The following CNTNAP1 variants were observed in gnomAD, a reference collection of about 807,000 sequenced individuals.
The protein encoded by CNTNAP1 is contactin associated protein 1.
Under a neutral mutation model 161.5 loss-of-function variants are expected in CNTNAP1, and 80 were observed. That is an observed-to-expected ratio of 0.50 (90% confidence interval 0.41 to 0.60). The LOEUF (loss-of-function observed/expected upper bound fraction) is 0.60, where lower values mean the gene tolerates loss of function less well. Among genes scored for constraint, CNTNAP1 ranks in the 20% least tolerant of loss-of-function variants. CNTNAP1 has a pLI of 0.00. For synonymous variants in CNTNAP1, 695 were observed against 733.1 expected, an observed-to-expected ratio of 0.95 and a Z score of 0.84; for missense variants, 1,464 against 1,854.8, an observed-to-expected ratio of 0.79 and a Z score of 3.87.
intron 8 of CNTNAP1, 98 bp downstream of exon 8, chr17:42,688,079 G>C (rs2053040953): frequency 4.0e-6 from 6 of 1,500,356 alleles, no homozygotes; most frequent in Non-Finnish European, 5.3e-6. Flanking sequence ...TTCTGGAGAG[G>C]GGAGAGGAGT....
chr17:42,690,665 T>G (rs1597807804), intron 12 of CNTNAP1, 74 bp from the exon 13 acceptor site: 2 of 1,462,498 alleles, frequency 1.4e-6, no homozygotes, highest in Non-Finnish European at 1.9e-6. Flanking sequence ...GCAGCAGCGG[T>G]GGTGGAGGTG....
intron 11 of CNTNAP1, 78 bp downstream of exon 11, chr17:42,689,705 G>C (rs2053061067): frequency 1.6e-6 from 2 of 1,215,278 alleles, no homozygotes; most frequent in East Asian, 4.7e-5. Context: ...CAGGCTGCTA[G>C]AGATGGCGAG....
chr17:42,693,509 G>A lies in CNTNAP1; in HGVS notation c.2965G>A (p.Ala989Thr). 9.3e-6 allele frequency: 15 copies of A among 1,614,038 alleles called. No homozygotes were observed. The highest frequency in any genetic ancestry group is 1.3e-5 in the Non-Finnish European group (15 of 1,179,898). Residue 989 changes from alanine (A) to threonine (T), a missense_variant, in exon 18 of 24, where the codon GCT becomes ACT. Ala to Thr is a moderately conservative substitution (Grantham distance 58). This residue lies in a region of CNTNAP1 where 1,383 missense variants were observed against 1,765.0 expected (regional missense o/e 0.78). Transcript: ENST00000264638. ...CTACACGTGTGACTGTGACCTCACGGCTTTTGATGGGCCATACTGCAACCA... is the reference window on the plus strand; with the variant it reads ...CTACACGTGTGACTGTGACCTCACGACTTTTGATGGGCCATACTGCAACCA... ...SYYTCDCDLT[A>T]FDGPYCNHDI...
chr17:42,688,637 C>A (rs747667755), intron 9 of CNTNAP1, 26 bp downstream of exon 9: 3 of 1,613,880 alleles, frequency 1.9e-6, no homozygotes, highest in Non-Finnish European at 8.5e-7. Flanking sequence ...CCTGACCAGA[C>A]CTCTGTTTCT....
At chr17:42,696,767 C>CT (rs1197440610) in intron 20 of CNTNAP1, among the ~76,000 whole-genome samples, 2 of 152,084 alleles carry the variant, frequency 1.3e-5, no homozygotes, top group East Asian at 3.9e-4. Context: ...GATCGTGCCA[C>CT]TGCACTCCAG....
At chr17:42,688,081 G>T in intron 8 of CNTNAP1, 100 bp downstream of exon 8, 1 of 1,494,616 alleles carries the variant, frequency 6.7e-7, no homozygotes, top group Non-Finnish European at 8.9e-7. Context: ...CTGGAGAGGG[G>T]AGAGGAGTGA....
intron 6 of CNTNAP1, among the ~76,000 whole-genome samples, 164 bp from the exon 7 acceptor site, chr17:42,686,739 C>T (rs2053020930): frequency 6.6e-6 from 1 of 152,200 alleles, no homozygotes; most frequent in Non-Finnish European, 1.5e-5. Context: ...TGAACTCAAG[C>T]CTTGAAAGGC....
Position 42,687,924 on chromosome 17 carries a change from G to A in CNTNAP1, c.1249G>A (p.Gly417Arg). The change falls in exon 8 of 24, where the codon GGG becomes AGG. Residue 417 changes from glycine (G) to arginine (R), a missense_variant. Coordinates refer to ENST00000264638, the MANE Select transcript of CNTNAP1 (RefSeq NM_003632.3). This position sits in a 1 kb window ranked among gnomAD's most constrained non-coding sequence, Gnocchi z 4.7. ...LGHVELTLSEGQVNVSIAQSG... is the reference protein window; with the variant it reads ...LGHVELTLSERQVNVSIAQSG... ...CCACGTGGAGCTGACGCTCAGCGAA[G>A]GGCAGGTCAACGTGTCCATCGCGCA... 6.2e-7 allele frequency: 1 copy of A among 1,614,238 alleles called. No individual in the cohort carries two copies. The highest frequency in any genetic ancestry group is 8.5e-7 in the Non-Finnish European group (1 of 1,180,060).
chr17:42,684,248 C>CGGTAA lies in CNTNAP1; in HGVS notation c.363+20_363+24dup, dbSNP rs1254787347. 4 of 1,603,602 alleles carry CGGTAA rather than the reference C, an allele frequency of 2.5e-6. No homozygotes were observed. The highest frequency in any genetic ancestry group is 3.4e-6 in the Non-Finnish European group (4 of 1,173,534). ...CAACTCGGTACTCTGGGCGCCAAGG[C>CGGTAA]GGTAACACTTGGGGAGCTTCCTCTG... On this transcript the variant is annotated intron_variant, in intron 3 of 23. Transcript: ENST00000264638.
intron 9 of CNTNAP1, 89 bp downstream of exon 9, chr17:42,688,700 T>C: frequency 1.3e-6 from 2 of 1,586,430 alleles, no homozygotes; most frequent in Non-Finnish European, 1.7e-6. Flanking sequence ...TGGAGAATTT[T>C]GGAGGGATCA....
chr17:42,690,626 C>T, intron 12 of CNTNAP1, 113 bp from the exon 13 acceptor site: 6 of 1,032,796 alleles, frequency 5.8e-6, no homozygotes, highest in Non-Finnish European at 8.9e-6. Context: ...TGGAATGGAG[C>T]TGCTGGCCAC....
At position 42,691,374 on chromosome 17, in the gene CNTNAP1, G is replaced by T. The variant is rs874640; in HGVS notation, c.2217-10G>T. ...GGCTGGGGCTGAGCCATGACATCCT[G>T]CCCCCACAGGAGAACTGACAAGGGA... On this transcript the variant is annotated splice_polypyrimidine_tract_variant and intron_variant, in intron 14 of 23. Coordinates refer to ENST00000264638, the MANE Select transcript of CNTNAP1 (RefSeq NM_003632.3). This position sits in a 1 kb window ranked among gnomAD's most constrained non-coding sequence, Gnocchi z 4.3. The T allele has an allele frequency of 0.067, 108,078 of 1,613,986 alleles. 4,166 individuals are homozygous for T. Among genetic ancestry groups the T allele is most frequent in the Admixed American group, 0.13 (8,071 of 59,996 alleles).
chr17:42,689,982 G>A (rs2053064228), intron 11 of CNTNAP1, 106 bp from the exon 12 acceptor site: 3 of 1,306,066 alleles, frequency 2.3e-6, no homozygotes, highest in East Asian at 2.4e-5. Context: ...CTCGGGTGAT[G>A]CACCACCCCG....
rs748651876 is a variant in CNTNAP1 at position 42,690,805 on chromosome 17, T to C, written c.1922T>C (p.Met641Thr). The change falls in exon 13 of 24, where the codon ATG becomes ACG. Residue 641 changes from methionine to threonine, a missense_variant. Coordinates refer to ENST00000264638, the MANE Select transcript of CNTNAP1 (RefSeq NM_003632.3). ...ACAACTCGAGTGACAGGTTCCAGCA[T>C]GGAGCGGCCATTCCTGGGGGCTATC... ...LWTTRVTGSS[M>T]ERPFLGAIQY... is the part of the protein sequence containing the mutation. 2 of 1,614,190 alleles carry C rather than the reference T, an allele frequency of 1.2e-6. No homozygotes were observed. Among genetic ancestry groups the C allele is most frequent in the Middle Eastern group, 1.6e-4 (1 of 6,062 alleles).
intron 6 of CNTNAP1, 76 bp from the exon 7 acceptor site, chr17:42,686,827 G>A (rs2053021714): frequency 5.4e-6 from 8 of 1,489,102 alleles, no homozygotes; most frequent in Non-Finnish European, 5.4e-6. Context: ...ATTTGGGAAA[G>A]CATACGGCGG....
Position 42,697,258 on chromosome 17 carries a change from C to T in CNTNAP1, c.3475-16C>T, listed in dbSNP as rs749229500. 4.4e-5 allele frequency: 71 copies of T among 1,598,790 alleles called. 1 individual carries two copies. Among genetic ancestry groups the T allele is most frequent in the Middle Eastern group, 3.3e-4 (2 of 6,052 alleles). ...CCGCTCCCTCATCGCCCTCCCCCTC[C>T]CCCTCCCCACCTCAGGTGGACTACT... is the stretch of plus-strand genomic sequence containing the variant. On this transcript the variant is annotated splice_polypyrimidine_tract_variant and intron_variant, in intron 20 of 23. Transcript: ENST00000264638.
chr17:42,689,736 C>T lies in CNTNAP1; in HGVS notation c.1735+109C>T, dbSNP rs149464510. On this transcript the variant is annotated intron_variant, in intron 11 of 23. Transcript: ENST00000264638. Reference sequence around the variant, plus strand: ...GCGAGGATGGCCCTTCCAGCCCTCTCGCTTTTTGTTTTTGGTTTTTTTGAG... The same window carrying T: ...GCGAGGATGGCCCTTCCAGCCCTCTTGCTTTTTGTTTTTGGTTTTTTTGAG... The T allele has an allele frequency of 1.4e-3, 1,279 of 915,208 alleles. 16 individuals carry two copies. The African/African-American group carries it at 0.017, about 12-fold the overall frequency. The allele number at this position is 915,208 out of a possible 1,614,324, so 56.7% of individuals were successfully genotyped here. A position where few individuals can be genotyped will look rare whatever the true frequency, so the allele number is the denominator to read the frequency against.
chr17:42,697,882 C>G, intron 22 of CNTNAP1, 21 bp from the exon 23 acceptor site: 2 of 1,614,172 alleles, frequency 1.2e-6, no homozygotes. Flanking sequence ...CATCTCCTAA[C>G]TGGTGCTTTC....
At position 42,685,442 on chromosome 17, in the gene CNTNAP1, G is replaced by T; in HGVS notation, c.715+22G>T. On this transcript the variant is annotated intron_variant, in intron 5 of 23. Transcript: ENST00000264638. This position sits in a 1 kb window ranked among gnomAD's most constrained non-coding sequence, Gnocchi z 5.0. ...CTGGGTGAGCTCGGCGACCATGTGC[G>T]ATGCGGAGCCAACCCCTGAAGCTCT... The T allele has an allele frequency of 2.5e-6, 4 of 1,589,900 alleles. No homozygotes were observed. In the Admixed American group the frequency reaches 5.1e-5, roughly 20 times the overall value.
Sources: allele counts gnomAD v4.1 joint callset (sites outside exome capture counted in the v4.1 genomes callset), GRCh38; gene constraint gnomAD v4.1.1; regional missense constraint gnomAD v4.1.1; non-coding constraint Gnocchi (gnomAD v3.1); transcripts MANE v1.5; gene names NCBI Gene and HGNC (gene_info 2026-07-23, HGNC 2026-07-21).